Variants in PNISR observed in about 807,000 individuals in gnomAD.
The protein encoded by PNISR is PNN interacting serine and arginine rich protein, also known as arginine/serine-rich protein PNISR.
Under a neutral mutation model 93.4 loss-of-function variants are expected in PNISR, and 20 were observed. The ratio of observed to expected loss-of-function variants is 0.21; its 90% CI spans 0.15 to 0.31. PNISR has a LOEUF of 0.31. PNISR is among the 10% of genes least tolerant of loss of function. PNISR has a pLI of 1.00. For missense variants in PNISR, 893 were observed against 985.4 expected (o/e 0.91, Z 1.25); for synonymous variants, 305 against 306.5 (o/e 0.99, Z 0.05).
intron 2 of PNISR, 178 bp from the exon 3 acceptor site, chr6:99,414,868 T>C: frequency 2.7e-6 from 1 of 367,140 alleles, no homozygotes; most frequent in Non-Finnish European, 4.8e-6. Flanking sequence ...AAATTTTATG[T>C]TAATGCTGGT....
At position 99,401,327 on chromosome 6, in the gene PNISR, C is replaced by T. The variant is rs376092357; in HGVS notation, c.1631G>A (p.Arg544His). The T allele has an allele frequency of 1.8e-5, 29 of 1,613,972 alleles. No individual in the cohort carries two copies. The highest frequency in any genetic ancestry group is 6.7e-5 in the African/African-American group (5 of 75,014). ...SSYSSSSGSSRTSSRSSSPKR... is the reference protein window; with the variant it reads ...SSYSSSSGSSHTSSRSSSPKR... Reference sequence around the variant, plus strand: ...AGGAGAAGAAGACCGAGAAGAAGTACGACTACTACCTGAGCTAGAACTGTA... The same window carrying T: ...AGGAGAAGAAGACCGAGAAGAAGTATGACTACTACCTGAGCTAGAACTGTA... The change falls in exon 12 of 12, where the codon CGT becomes CAT. Residue 544 changes from arginine to histidine, a missense_variant. Physicochemically the swap from Arg to His is conservative, Grantham distance 29 (BLOSUM62 0). Coordinates refer to ENST00000369239, the MANE Select transcript of PNISR (RefSeq NM_032870.4).
rs148148378 is a variant in PNISR, at chr6:99,400,519, C to T, written c.*21G>A. 2.6e-4 allele frequency: 411 copies of T among 1,582,792 alleles called. 1 individual carries two copies. In the East Asian group the frequency reaches 8.0e-3, roughly 31 times the overall value. ...CAGTCAATTTTTTTTAAAAATCAGA[C>T]AAAATACTTTAAAAAGTATACTACC... On this transcript the variant is annotated 3_prime_UTR_variant, in exon 12 of 12. Coordinates refer to ENST00000369239, the MANE Select transcript of PNISR (RefSeq NM_032870.4).
chr6:99,417,805 A>G (rs1777905966), intron 1 of PNISR, among the ~76,000 whole-genome samples: 1 of 151,776 alleles, frequency 6.6e-6, no homozygotes, highest in South Asian at 2.1e-4. Context: ...CGTCTCTACT[A>G]AAAAATACAA....
intron 1 of PNISR, among the ~76,000 whole-genome samples, chr6:99,418,251 C>G (rs890521943): frequency 2.0e-5 from 3 of 151,824 alleles, no homozygotes; most frequent in Non-Finnish European, 1.5e-5. Flanking sequence ...GATTCTCCTG[C>G]CTCAGCCTCC....
At chr6:99,411,110 T>C (rs1776856347) in intron 4 of PNISR, 146 bp from the exon 5 acceptor site, 2 of 631,534 alleles carry the variant, frequency 3.2e-6, no homozygotes, top group Non-Finnish European at 5.6e-6. Flanking sequence ...CTTTTGTTTA[T>C]CTTAAAAATA....
chr6:99,419,891 T>C (rs1188506635), intron 1 of PNISR, among the ~76,000 whole-genome samples: 1 of 109,538 alleles, frequency 9.1e-6, no homozygotes, highest in African/African-American at 2.8e-5. Context: ...AACTGCATTC[T>C]TTTTTTTTTT....
chr6:99,416,919 C>A (rs937361312), intron 1 of PNISR, among the ~76,000 whole-genome samples: 7 of 152,120 alleles, frequency 4.6e-5, no homozygotes, highest in African/African-American at 1.7e-4. Flanking sequence ...GAAAGAAAGA[C>A]AAATTTATTC....
intron 8 of PNISR, 28 bp downstream of exon 8, chr6:99,406,003 G>A: frequency 6.5e-7 from 1 of 1,542,704 alleles, no homozygotes; most frequent in Non-Finnish European, 8.8e-7. Context: ...ATAAATCCAT[G>A]TACATAGTAA....
chr6:99,411,613 T>TC (rs1776925457), intron 4 of PNISR: 1 of 117,396 alleles, frequency 8.5e-6, no homozygotes, highest in African/African-American at 3.2e-5. Flanking sequence ...GAATTCTCGT[T>TC]TTTTTTGTTT....
rs1298273759 is a variant in PNISR, at chr6:99,401,577, T to C, written c.1381A>G (p.Lys461Glu). The C allele has an allele frequency of 1.9e-6, 3 of 1,579,268 alleles. No individual in the cohort carries two copies. Among genetic ancestry groups the C allele is most frequent in the African/African-American group, 2.8e-5 (2 of 72,664 alleles). The change falls in exon 12 of 12, where the codon AAA becomes GAA. Residue 461 changes from lysine to glutamate, a missense_variant. Around this residue, in one of 3 missense-constraint regions of PNISR, gnomAD observed 866 missense variants for 935.1 expected, o/e 0.93. Coordinates refer to ENST00000369239, the MANE Select transcript of PNISR (RefSeq NM_032870.4). ...VTKEMNEFIH[K>E]EQNSLSLLEA... Reference sequence around the variant, plus strand: ...AGTAGTGATAAACTATTTTGCTCTTTATGGATAAATTCATTCATCTCTTTT... The same window carrying C: ...AGTAGTGATAAACTATTTTGCTCTTCATGGATAAATTCATTCATCTCTTTT...
rs1208515196 is a variant in PNISR at position 99,399,591 on chromosome 6, C to T, written c.*949G>A. ...TACTGTCAAACACAATCGTTCCTTA[C>T]AAATAACTCTACTGGTGCACTGGCT... is the stretch of plus-strand genomic sequence containing the variant. On this transcript the variant is annotated 3_prime_UTR_variant, in exon 12 of 12. Coordinates refer to ENST00000369239, the MANE Select transcript of PNISR (RefSeq NM_032870.4). The T allele has an allele frequency of 6.6e-6, 1 of 152,262 alleles. No homozygotes were observed. The highest frequency in any genetic ancestry group is 2.1e-4 in the South Asian group (1 of 4,830). The allele number at this position is 152,262 out of a possible 1,614,324, so 9.4% of individuals were successfully genotyped here. A position where few individuals can be genotyped will look rare whatever the true frequency, so the allele number is the denominator to read the frequency against.
At chr6:99,403,778 T>C (rs1346876286) in intron 10 of PNISR, 51 bp downstream of exon 10, 4 of 1,285,398 alleles carry the variant, frequency 3.1e-6, no homozygotes, top group Non-Finnish European at 4.5e-6. Flanking sequence ...AGAGACAATG[T>C]ATGTGTGATT....
intron 3 of PNISR, among the ~76,000 whole-genome samples, chr6:99,413,596 A>T (rs1018712274): frequency 6.6e-6 from 1 of 151,976 alleles, no homozygotes; most frequent in Non-Finnish European, 1.5e-5. Flanking sequence ...AAAGTGCTAG[A>T]ACTACAGGCA....
rs569311562 is a variant in PNISR, at chr6:99,399,431, A to C, written c.*1109T>G. The C allele has an allele frequency of 6.6e-6, 1 of 152,130 alleles. No individual in the cohort carries two copies. The highest frequency in any genetic ancestry group is 2.4e-5 in the African/African-American group (1 of 41,450). The allele number at this position is 152,130 out of a possible 1,614,324, so 9.4% of individuals were successfully genotyped here. A position where few individuals can be genotyped will look rare whatever the true frequency, so the allele number is the denominator to read the frequency against. On this transcript the variant is annotated 3_prime_UTR_variant, in exon 12 of 12. Transcript: ENST00000369239. ...AATACAGCATTCCTCCATTGATTTG[A>C]GGTCATATTATACTTTAAAAATATA...
chr6:99,401,013 G>C lies in PNISR; in HGVS notation c.1945C>G (p.Leu649Val). 6.2e-7 allele frequency: 1 copy of C among 1,613,520 alleles called. No homozygotes were observed. Residue 649 changes from leucine to valine, a missense_variant, in exon 12 of 12, where the codon CTT becomes GTT. Around this residue, in one of 3 missense-constraint regions of PNISR, gnomAD observed 866 missense variants for 935.1 expected, o/e 0.93. Transcript: ENST00000369239. ...RRKIDDQRGNLSGNSHKHKGE... is the reference protein window; with the variant it reads ...RRKIDDQRGNVSGNSHKHKGE... ...TTATGCTTATGACTGTTCCCACTAA[G>C]ATTTCCACGTTGATCATCAATTTTA...
chr6:99,412,493 A>G, intron 4 of PNISR, 58 bp downstream of exon 4: 1 of 1,228,920 alleles, frequency 8.1e-7, no homozygotes, highest in Non-Finnish European at 1.2e-6. Context: ...AAAATTTAAT[A>G]ATAATCTTCA....
In PNISR at chr6:99,410,931, G is replaced by C; in HGVS notation, c.311C>G (p.Pro104Arg). ...WGMHQQPPHP[P>R]PDQPWMPPTP... ...TGGTGGCATCCATGGCTGATCTGGA[G>C]GGGGGTGTGGGGGTTGCTGATGCAT... Residue 104 changes from proline to arginine, a missense_variant, in exon 5 of 12, where the codon CCT (proline) becomes CGT (arginine). Pro to Arg is a moderately radical substitution (Grantham distance 103). This residue lies in a region of PNISR where 866 missense variants were observed against 935.1 expected (regional missense o/e 0.93). Transcript: ENST00000369239. The C allele has an allele frequency of 6.2e-7, 1 of 1,613,536 alleles. No homozygotes were observed. Among genetic ancestry groups the C allele is most frequent in the Non-Finnish European group, 8.5e-7 (1 of 1,179,474 alleles).
chr6:99,403,733 G>T, intron 10 of PNISR, 96 bp downstream of exon 10: 1 of 849,428 alleles, frequency 1.2e-6, no homozygotes, highest in Non-Finnish European at 1.9e-6. Context: ...TATAAACTGA[G>T]TAGGACTAAT....
At chr6:99,404,439 A>T (rs1313874735) in intron 9 of PNISR, 164 bp downstream of exon 9, 1 of 653,298 alleles carries the variant, frequency 1.5e-6, no homozygotes, top group Non-Finnish European at 2.8e-6. Flanking sequence ...ATATTTGTAT[A>T]GCTTTAATAT....
Sources: gnomAD v4.1 joint callset for allele counts (sites outside exome capture counted in the v4.1 genomes callset) on GRCh38, gnomAD v4.1.1 for gene constraint, gnomAD v4.1.1 regional missense constraint, MANE v1.5 for transcripts, NCBI Gene and HGNC (gene_info 2026-07-23, HGNC 2026-07-21) for gene names.